Variants in RETREG1 observed in about 807,000 individuals in gnomAD.
RETREG1 encodes the protein family with sequence similarity 134 member B.
In RETREG1, 44 loss-of-function variants were observed where a neutral mutation model predicts 54.8. The ratio of observed to expected loss-of-function variants is 0.80; its 90% CI spans 0.63 to 1.03. RETREG1 has a LOEUF of 1.03. Ranked by LOEUF, RETREG1 falls within the 50% of genes least tolerant of loss-of-function variation. RETREG1 has a pLI of 0.00. For missense variants in RETREG1, 554 were observed against 605.1 expected, an observed-to-expected ratio of 0.92 and a Z score of 0.89; for synonymous variants, 217 against 238.5, an observed-to-expected ratio of 0.91 and a Z score of 0.83.
At chr5:16,573,510 G>A (rs1742239512) in intron 1 of RETREG1, among the ~76,000 whole-genome samples, 1 of 152,288 alleles carries the variant, frequency 6.6e-6, no homozygotes, top group African/African-American at 2.4e-5. Flanking sequence ...AAGACTGTTT[G>A]CAAGGCTATA....
intron 3 of RETREG1, among the ~76,000 whole-genome samples, chr5:16,560,218 A>G (rs1741818778): frequency 6.6e-6 from 1 of 152,252 alleles, no homozygotes. Context: ...GCATAAGTGT[A>G]CATATCTACT....
rs1742855496 is a variant in RETREG1, at chr5:16,594,838, G to A, written c.320+21814C>T. ...TGTGACAGATGACATAATGATGCAA[G>A]GTGTTGTTTTCAATTTATCCAGAAG... is the stretch of plus-strand genomic sequence containing the variant. On this transcript the variant is annotated intron_variant, in intron 1 of 8. Coordinates refer to ENST00000306320, the MANE Select transcript of RETREG1 (RefSeq NM_001034850.3). The surrounding 1 kb of genome is among the most constrained non-coding windows in gnomAD (Gnocchi z 4.4). Among the ~76,000 whole-genome samples, 1 of 152,170 alleles carries A rather than the reference G, an allele frequency of 6.6e-6. No individual in the cohort carries two copies. The highest frequency in any genetic ancestry group is 1.5e-5 in the Non-Finnish European group (1 of 68,044).
chr5:16,537,189 A>T (rs1029107986), intron 3 of RETREG1, among the ~76,000 whole-genome samples: 8 of 152,190 alleles, frequency 5.3e-5, no homozygotes, highest in African/African-American at 1.9e-4. Flanking sequence ...TGTTTAATCC[A>T]CACTGCGACC....
chr5:16,516,588 G>T (rs1410694540), intron 3 of RETREG1, among the ~76,000 whole-genome samples: 1 of 152,134 alleles, frequency 6.6e-6, no homozygotes, highest in African/African-American at 2.4e-5. Context: ...TGAGAATTGC[G>T]GGGTAAATTA....
intron 3 of RETREG1, among the ~76,000 whole-genome samples, chr5:16,534,299 A>G (rs892127372): frequency 6.6e-6 from 1 of 152,126 alleles, no homozygotes; most frequent in Non-Finnish European, 1.5e-5. Context: ...ACAACGAACC[A>G]ACCTAGCATC....
At chr5:16,535,470 G>C (rs928924072) in intron 3 of RETREG1, among the ~76,000 whole-genome samples, 1 of 152,198 alleles carries the variant, frequency 6.6e-6, no homozygotes, top group Non-Finnish European at 1.5e-5. Flanking sequence ...TTGCAGAGTG[G>C]GAGCTGGGGT....
At chr5:16,522,016 C>T (rs163282) in intron 3 of RETREG1, among the ~76,000 whole-genome samples, 37,137 of 152,024 alleles carry the variant, frequency 0.24, 4,774 homozygotes, top group East Asian at 0.41. Flanking sequence ...GCTGCATGAG[C>T]TTCACCTGCT....
chr5:16,502,700 A>G (rs1159732489), intron 3 of RETREG1, among the ~76,000 whole-genome samples: 1 of 152,068 alleles, frequency 6.6e-6, no homozygotes, highest in Non-Finnish European at 1.5e-5. Context: ...CCCCCATACT[A>G]TTTTTATCTT....
intron 3 of RETREG1, chr5:16,508,852 C>A: frequency 1.4e-6 from 2 of 1,400,810 alleles, no homozygotes; most frequent in East Asian, 5.3e-5. Context: ...GGGTTATTAT[C>A]ACTGCCCCCT....
intron 1 of RETREG1, among the ~76,000 whole-genome samples, 153 bp from the exon 2 acceptor site, chr5:16,572,255 C>G (rs1280895290): frequency 6.6e-6 from 1 of 150,846 alleles, no homozygotes; most frequent in Non-Finnish European, 1.5e-5. Context: ...CTCTGTTGCC[C>G]AGGCTGGAGT....
intron 3 of RETREG1, among the ~76,000 whole-genome samples, chr5:16,484,641 G>A (rs566049517): frequency 6.6e-6 from 1 of 152,100 alleles, no homozygotes; most frequent in Admixed American, 6.6e-5. Flanking sequence ...CAGATTCTGT[G>A]ACTTTTAATA....
chr5:16,480,702 G>A (rs900136548), intron 5 of RETREG1, among the ~76,000 whole-genome samples: 3 of 152,150 alleles, frequency 2.0e-5, no homozygotes, highest in South Asian at 2.1e-4. Context: ...CAAAGAACAC[G>A]CACGAAGGCA....
At chr5:16,615,399 CAAA>C (rs35626131) in intron 1 of RETREG1, among the ~76,000 whole-genome samples, 1,129 of 92,798 alleles carry the variant, frequency 0.012, 11 homozygotes, top group African/African-American at 0.041. Context: ...GACTCCATCT[CAAA>C]AAAAAAAAAA....
At chr5:16,517,929 T>C (rs1468337299) in intron 3 of RETREG1, among the ~76,000 whole-genome samples, 1 of 151,910 alleles carries the variant, frequency 6.6e-6, no homozygotes, top group African/African-American at 2.4e-5. Flanking sequence ...TATGATTCAA[T>C]GAAATCCTAT....
rs1187324360 is a variant in RETREG1 at position 16,585,668 on chromosome 5, T to C, written c.321-13566A>G. Among the ~76,000 whole-genome samples the C allele has an allele frequency of 6.6e-6, 1 of 152,150 alleles. No homozygotes were observed. The highest frequency in any genetic ancestry group is 2.4e-5 in the African/African-American group (1 of 41,438). ...GAAATACCTGAGACTGGGTAATTTA[T>C]AAAGAAAAGAGATTTAACTGGCTCT... On this transcript the variant is annotated intron_variant, in intron 1 of 8. Transcript: ENST00000306320. The surrounding 1 kb of genome is among the most constrained non-coding windows in gnomAD (Gnocchi z 4.5).
intron 3 of RETREG1, among the ~76,000 whole-genome samples, chr5:16,556,640 TAA>T (rs1741716354): frequency 1.3e-5 from 2 of 152,130 alleles, no homozygotes; most frequent in Admixed American, 1.3e-4. Flanking sequence ...ACATCATTGA[TAA>T]GTTACCTAAT....
chr5:16,516,507 C>T (rs1740361651), intron 3 of RETREG1, among the ~76,000 whole-genome samples: 1 of 152,204 alleles, frequency 6.6e-6, no homozygotes, highest in South Asian at 2.1e-4. Context: ...GAATCAGAAT[C>T]GCTGGGGGAA....
chr5:16,528,541 G>A (rs1740801887), intron 3 of RETREG1, among the ~76,000 whole-genome samples: 1 of 152,134 alleles, frequency 6.6e-6, no homozygotes. Flanking sequence ...GAAAGATTAG[G>A]GGGCCAAGGA....
At chr5:16,508,766 T>G in intron 3 of RETREG1, 1 of 1,501,458 alleles carries the variant, frequency 6.7e-7, no homozygotes, top group Non-Finnish European at 8.9e-7. Flanking sequence ...GGAAAAAAAG[T>G]GCTCCTCCCT....
Sources: gnomAD v4.1 joint callset for allele counts (sites outside exome capture counted in the v4.1 genomes callset) on GRCh38, gnomAD v4.1.1 for gene constraint, Gnocchi (gnomAD v3.1) non-coding constraint, MANE v1.5 for transcripts, NCBI Gene and HGNC (gene_info 2026-07-23, HGNC 2026-07-21) for gene names.